The following PTPRK variants were observed in gnomAD, a reference collection of about 807,000 sequenced individuals.
PTPRK encodes receptor-type tyrosine-protein phosphatase kappa.
Under a neutral mutation model 178.0 loss-of-function variants are expected in PTPRK, and 75 were observed. The observed-to-expected ratio is 0.42, with a 90% CI of 0.35 to 0.51. The LOEUF (loss-of-function observed/expected upper bound fraction) is 0.51. Ranked by LOEUF, PTPRK falls within the 20% of genes least tolerant of loss-of-function variation. The probability of loss-of-function intolerance (pLI) is 0.02; values close to 1 mark genes in which losing one functional copy is unlikely to be tolerated. For missense variants in PTPRK, 1,441 were observed against 1,797.8 expected, an observed-to-expected ratio of 0.80 and a Z score of 3.59; for synonymous variants, 637 against 620.6, an observed-to-expected ratio of 1.03 and a Z score of -0.39.
At chr6:128,409,077 A>C (rs981916158) in intron 1 of PTPRK, among the ~76,000 whole-genome samples, 1 of 152,228 alleles carries the variant, frequency 6.6e-6, no homozygotes, top group Non-Finnish European at 1.5e-5. Context: ...GTGACATAAA[A>C]GTGTCCCTTC....
intron 1 of PTPRK, among the ~76,000 whole-genome samples, chr6:128,516,718 G>C (rs1404107382): frequency 6.6e-6 from 1 of 152,108 alleles, no homozygotes; most frequent in African/African-American, 2.4e-5. Flanking sequence ...TGTATTTCCA[G>C]GCTCCTATCA....
At chr6:128,195,492 T>C (rs1004788391) in intron 6 of PTPRK, among the ~76,000 whole-genome samples, 2 of 150,712 alleles carry the variant, frequency 1.3e-5, no homozygotes, top group African/African-American at 5.0e-5. Context: ...CAAAACTTTA[T>C]TTACCCTAAG....
intron 5 of PTPRK, among the ~76,000 whole-genome samples, chr6:128,225,876 G>A (rs1811207763): frequency 6.6e-6 from 1 of 152,148 alleles, no homozygotes; most frequent in Non-Finnish European, 1.5e-5. Flanking sequence ...CCATTTGACA[G>A]AGAGAGAAAG....
intron 7 of PTPRK, among the ~76,000 whole-genome samples, chr6:128,126,440 C>T (rs528095301): frequency 2.9e-4 from 44 of 152,260 alleles, no homozygotes; most frequent in African/African-American, 1.0e-3. Flanking sequence ...TTATATAAAG[C>T]TGCTTATACA....
At chr6:128,186,454 A>C (rs530180248) in intron 6 of PTPRK, among the ~76,000 whole-genome samples, 1 of 152,222 alleles carries the variant, frequency 6.6e-6, no homozygotes, top group Admixed American at 6.5e-5. Flanking sequence ...TATGAAGTGC[A>C]AACATTTATA....
chr6:128,158,404 T>C (rs1798239304), intron 7 of PTPRK, among the ~76,000 whole-genome samples: 1 of 151,800 alleles, frequency 6.6e-6, no homozygotes, highest in Admixed American at 6.6e-5. Context: ...GAACTTAAAG[T>C]ATAATAATAA....
chr6:128,120,708 T>C (rs554574030), intron 7 of PTPRK, among the ~76,000 whole-genome samples: 1 of 152,074 alleles, frequency 6.6e-6, no homozygotes, highest in South Asian at 2.1e-4. Context: ...TTGGAGAATA[T>C]CTTAGACAAA....
chr6:128,519,949 A>C lies in PTPRK; in HGVS notation c.100+310T>G, dbSNP rs1858768084. Among the ~76,000 whole-genome samples the C allele has an allele frequency of 1.3e-5, 2 of 152,248 alleles. No homozygotes were observed. Among genetic ancestry groups the C allele is most frequent in the South Asian group, 4.1e-4 (2 of 4,824 alleles). On this transcript the variant is annotated intron_variant, in intron 1 of 29. Coordinates refer to ENST00000368226, the MANE Select transcript of PTPRK (RefSeq NM_002844.4). This position sits in a 1 kb window ranked among gnomAD's most constrained non-coding sequence, Gnocchi z 4.3. ...GAGTGCCGTCACGGGAGTCGTAACT[A>C]CTTTTTCTTTCTCTCTTCCCCACTA...
At chr6:128,199,524 A>G (rs1805517460) in intron 6 of PTPRK, among the ~76,000 whole-genome samples, 1 of 139,680 alleles carries the variant, frequency 7.2e-6, no homozygotes, top group African/African-American at 2.6e-5. Context: ...TTATCAAACT[A>G]TATGTTTAAT....
In PTPRK at chr6:128,089,970, T is replaced by A; in HGVS notation, c.1185A>T (p.Thr395=). The A allele has an allele frequency of 1.2e-6, 2 of 1,608,450 alleles. No homozygotes were observed. Among genetic ancestry groups the A allele is most frequent in the Non-Finnish European group, 1.7e-6 (2 of 1,174,896 alleles). The change falls in exon 8 of 30, where the codon ACA becomes ACT. Residue 395 remains threonine, a synonymous_variant. Transcript: ENST00000368226. ...KCAEPMRTPK[T]LKIAEIQARR... is the part of the protein sequence containing the mutation. Reference sequence around the variant, plus strand: ...TTGCCTGTATTTCAGCAATCTTTAATGTCTTTGGGGTTCTCATAGGTTCTG... The same window carrying A: ...TTGCCTGTATTTCAGCAATCTTTAAAGTCTTTGGGGTTCTCATAGGTTCTG...
intron 7 of PTPRK, among the ~76,000 whole-genome samples, chr6:128,167,696 T>C (rs1464464907): frequency 6.6e-6 from 1 of 152,072 alleles, no homozygotes; most frequent in Non-Finnish European, 1.5e-5. Flanking sequence ...CTAAATACTC[T>C]AGTAGGGCAA....
chr6:128,423,589 G>T (rs1843743065), intron 1 of PTPRK, among the ~76,000 whole-genome samples: 1 of 152,058 alleles, frequency 6.6e-6, no homozygotes, highest in South Asian at 2.1e-4. Context: ...CCACACTTTG[G>T]GAGGCAGAGG....
intron 13 of PTPRK, among the ~76,000 whole-genome samples, chr6:128,012,262 TA>T (rs1463574444): frequency 1.3e-5 from 2 of 150,560 alleles, no homozygotes; most frequent in African/African-American, 4.9e-5. Flanking sequence ...TAATCACATG[TA>T]TTTTTTTAAG....
At chr6:128,517,529 A>T (rs559538427) in intron 1 of PTPRK, among the ~76,000 whole-genome samples, 8 of 152,318 alleles carry the variant, frequency 5.3e-5, no homozygotes, top group African/African-American at 1.9e-4. Context: ...AAACTGAAAG[A>T]ATGTATGAGT....
rs1352350133 is a variant in PTPRK, at chr6:127,968,886, G to C, written c.*1341C>G. 1 of 152,334 alleles carries C rather than the reference G, an allele frequency of 6.6e-6. No individual in the cohort carries two copies. The highest frequency in any genetic ancestry group is 1.9e-4 in the East Asian group (1 of 5,190). The allele number at this position is 152,334 out of a possible 1,614,324, so 9.4% of individuals were successfully genotyped here. On this transcript the variant is annotated 3_prime_UTR_variant, in exon 30 of 30. Transcript: ENST00000368226. ...AGAAAGAGGACACTGGAATGCTTTA[G>C]TCAATTACAAACTGCAAGCTGATGA... is the stretch of plus-strand genomic sequence containing the variant.
chr6:128,435,718 T>C (rs975262847), intron 1 of PTPRK, among the ~76,000 whole-genome samples: 1 of 152,092 alleles, frequency 6.6e-6, no homozygotes, highest in Non-Finnish European at 1.5e-5. Flanking sequence ...AAAGAGATGA[T>C]GAATAAAGGG....
At chr6:128,002,159 T>G (rs1228933051) in intron 15 of PTPRK, among the ~76,000 whole-genome samples, 1 of 151,520 alleles carries the variant, frequency 6.6e-6, no homozygotes, top group Non-Finnish European at 1.5e-5. Context: ...TTTATTTTAG[T>G]AAATAAGAGG....
At chr6:128,462,487 C>T (rs1379519261) in intron 1 of PTPRK, among the ~76,000 whole-genome samples, 1 of 151,812 alleles carries the variant, frequency 6.6e-6, no homozygotes, top group African/African-American at 2.4e-5. Flanking sequence ...ATTCAGACTA[C>T]CCACATTTTA....
intron 6 of PTPRK, among the ~76,000 whole-genome samples, chr6:128,200,896 G>GGAGA (rs1805810224): frequency 1.2e-5 from 1 of 86,002 alleles, no homozygotes; most frequent in Non-Finnish European, 2.1e-5. Flanking sequence ...AGGGAAGGAG[G>GGAGA]GAGGGAGGGA....
Sources: gnomAD v4.1 joint callset for allele counts (sites outside exome capture counted in the v4.1 genomes callset) on GRCh38, gnomAD v4.1.1 for gene constraint, Gnocchi (gnomAD v3.1) non-coding constraint, MANE v1.5 for transcripts, NCBI Gene and HGNC (gene_info 2026-07-23, HGNC 2026-07-21) for gene names.